Variants in KCNQ5 observed in about 807,000 individuals in gnomAD.
The protein encoded by KCNQ5 is potassium voltage-gated channel subfamily KQT member 5.
A neutral mutation model predicts 98.2 loss-of-function variants in KCNQ5; 30 were observed. The ratio of observed to expected loss-of-function variants is 0.31; its 90% CI spans 0.23 to 0.41. KCNQ5 has a LOEUF of 0.41. Among genes scored for constraint, KCNQ5 ranks in the 10% least tolerant of loss-of-function variants. The probability of loss-of-function intolerance (pLI) is 1.00; values close to 1 mark genes in which losing one functional copy is unlikely to be tolerated. For synonymous variants in KCNQ5, 458 were observed against 449.4 expected (o/e 1.02, Z -0.24); for missense variants, 835 against 1,182.5 (o/e 0.71, Z 4.31).
At chr6:72,863,165 T>C (rs771557022) in intron 1 of KCNQ5, among the ~76,000 whole-genome samples, 2 of 152,146 alleles carry the variant, frequency 1.3e-5, no homozygotes, top group Non-Finnish European at 2.9e-5. Context: ...ATGTGTTAGA[T>C]GGGAACATAG....
At chr6:72,778,483 G>A (rs1009934346) in intron 1 of KCNQ5, among the ~76,000 whole-genome samples, 10 of 151,190 alleles carry the variant, frequency 6.6e-5, no homozygotes, top group Non-Finnish European at 7.4e-5. Context: ...GGACTGCAAT[G>A]AGCAGAGATC....
chr6:72,932,220 A>G (rs989550104), intron 1 of KCNQ5, among the ~76,000 whole-genome samples: 2 of 151,902 alleles, frequency 1.3e-5, no homozygotes, highest in African/African-American at 4.8e-5. Flanking sequence ...CTGTCGGGTG[A>G]GTGAGAGCTG....
At chr6:73,055,448 G>A in intron 3 of KCNQ5, 1 of 1,545,068 alleles carries the variant, frequency 6.5e-7, no homozygotes, top group Non-Finnish European at 8.9e-7. Flanking sequence ...CTCCTATGAT[G>A]TCCCACCACC....
chr6:72,860,509 A>T (rs953138214), intron 1 of KCNQ5, among the ~76,000 whole-genome samples: 1 of 152,188 alleles, frequency 6.6e-6, no homozygotes, highest in Non-Finnish European at 1.5e-5. Context: ...ATGATATAGA[A>T]ATGTTCTGAG....
At chr6:72,800,992 A>T (rs1774618573) in intron 1 of KCNQ5, among the ~76,000 whole-genome samples, 1 of 151,918 alleles carries the variant, frequency 6.6e-6, no homozygotes, top group Non-Finnish European at 1.5e-5. Context: ...TCTGAGAGAC[A>T]GTTTGTTATA....
chr6:73,112,406 T>C (rs6453638), intron 7 of KCNQ5, among the ~76,000 whole-genome samples: 144,489 of 150,962 alleles, frequency 0.96, 69,141 homozygotes, highest in South Asian at 0.98. Flanking sequence ...AGTGCAGTGG[T>C]GCGATCTCGG....
chr6:72,954,794 T>C (rs1766967760), intron 1 of KCNQ5, among the ~76,000 whole-genome samples: 1 of 152,184 alleles, frequency 6.6e-6, no homozygotes, highest in Admixed American at 6.5e-5. Flanking sequence ...GGTAAAATTG[T>C]GTCTGACATC....
chr6:72,808,171 G>C (rs1369879022), intron 1 of KCNQ5, among the ~76,000 whole-genome samples: 1 of 152,192 alleles, frequency 6.6e-6, no homozygotes, highest in African/African-American at 2.4e-5. Flanking sequence ...AGGAAATGGA[G>C]AGAAGCGGAC....
At chr6:72,849,315 T>C (rs963134893) in intron 1 of KCNQ5, among the ~76,000 whole-genome samples, 5 of 152,184 alleles carry the variant, frequency 3.3e-5, no homozygotes, top group African/African-American at 1.2e-4. Flanking sequence ...AGTAGTGGGA[T>C]TGCTGGATTG....
intron 2 of KCNQ5, among the ~76,000 whole-genome samples, chr6:73,034,860 T>TTTTTTTTTA (rs1562139229): frequency 7.8e-6 from 1 of 127,454 alleles, no homozygotes; most frequent in Non-Finnish European, 1.7e-5. Flanking sequence ...TTTTTTTTTT[T>TTTTTTTTTA]TTTGAGACAG....
Position 73,165,751 on chromosome 6 carries a change from C to G in KCNQ5, c.1469-3995C>G, listed in dbSNP as rs557674914. 6.6e-4 allele frequency among the ~76,000 whole-genome samples: 100 copies of G among 151,950 alleles called. 1 individual carries two copies. The highest frequency in any genetic ancestry group is 2.4e-3 in the African/African-American group (99 of 41,416). On this transcript the variant is annotated intron_variant, in intron 10 of 13. Coordinates refer to ENST00000370398, the MANE Select transcript of KCNQ5 (RefSeq NM_019842.4). ...CCTGAGGTCAGGAGTTCGAGACCAG[C>G]CTGGCCAACATGGTGAAACCCCGTC...
Position 72,622,184 on chromosome 6 carries a change from G to A in KCNQ5, c.-6G>A. On this transcript the variant is annotated 5_prime_UTR_variant, in exon 1 of 14. It removes the in-frame stop codon of an upstream open reading frame in the 5' UTR. Transcript: ENST00000370398. This position sits in a 1 kb window ranked among gnomAD's most constrained non-coding sequence, Gnocchi z 6.0. Reference sequence around the variant, plus strand: ...GCGGCCCCCTCGCGGTGCCCGTGGTGATGCCATGCCCCGCCACCACGCGGG... The same window carrying A: ...GCGGCCCCCTCGCGGTGCCCGTGGTAATGCCATGCCCCGCCACCACGCGGG... 8.2e-7 allele frequency: 1 copy of A among 1,221,888 alleles called. No homozygotes were observed. Among genetic ancestry groups the A allele is most frequent in the Non-Finnish European group, 1.0e-6 (1 of 981,730 alleles). 75.7% of individuals were successfully genotyped at this position (1,221,888 alleles called of 1,614,324 possible).
intron 1 of KCNQ5, among the ~76,000 whole-genome samples, chr6:72,772,303 T>G (rs540958010): frequency 6.6e-6 from 1 of 152,246 alleles, no homozygotes; most frequent in African/African-American, 2.4e-5. Flanking sequence ...CAATAGCCTC[T>G]AATAGCCTAT....
intron 1 of KCNQ5, among the ~76,000 whole-genome samples, chr6:72,779,196 C>A (rs1773321227): frequency 6.6e-6 from 1 of 152,102 alleles, no homozygotes; most frequent in South Asian, 2.1e-4. Context: ...GGAAGGATGC[C>A]CCCCTAGAAA....
rs1429936483 is a variant in KCNQ5 at position 73,124,606 on chromosome 6, A to G, written c.1247+94A>G. 2.7e-6 allele frequency: 3 copies of G among 1,105,020 alleles called. No homozygotes were observed. The African/African-American group carries it at 4.7e-5, about 17-fold the overall frequency. 68.5% of individuals were successfully genotyped at this position (1,105,020 alleles called of 1,614,324 possible). A position where few individuals can be genotyped will look rare whatever the true frequency, so the allele number is the denominator to read the frequency against. On this transcript the variant is annotated intron_variant, in intron 9 of 13. Coordinates refer to ENST00000370398, the MANE Select transcript of KCNQ5 (RefSeq NM_019842.4). ...CTCATGTGAGTAAAATCGATCAACA[A>G]ATACAAGATGATTAAAAGTGACCTT...
At chr6:73,077,024 G>T (rs1293931873) in intron 3 of KCNQ5, among the ~76,000 whole-genome samples, 2 of 152,084 alleles carry the variant, frequency 1.3e-5, no homozygotes, top group Non-Finnish European at 1.5e-5. Context: ...TGGGTTTTTT[G>T]AACACCATTG....
intron 1 of KCNQ5, among the ~76,000 whole-genome samples, chr6:72,844,537 A>G: frequency 6.6e-6 from 1 of 152,226 alleles, no homozygotes. Context: ...AACTGTACAT[A>G]TCACCCTTTA....
chr6:72,692,318 C>G (rs1289171669), intron 1 of KCNQ5, among the ~76,000 whole-genome samples: 2 of 152,162 alleles, frequency 1.3e-5, no homozygotes, highest in African/African-American at 4.8e-5. Context: ...GAAACATTCA[C>G]TGAGTAAGTC....
At chr6:73,027,178 A>G (rs945715748) in intron 2 of KCNQ5, among the ~76,000 whole-genome samples, 2 of 152,204 alleles carry the variant, frequency 1.3e-5, no homozygotes, top group African/African-American at 4.8e-5. Context: ...TAGAAGTATG[A>G]AAAGGATCAA....
Sources: allele counts gnomAD v4.1 joint callset (sites outside exome capture counted in the v4.1 genomes callset), GRCh38; gene constraint gnomAD v4.1.1; non-coding constraint Gnocchi (gnomAD v3.1); transcripts MANE v1.5; gene names NCBI Gene and HGNC (gene_info 2026-07-23, HGNC 2026-07-21).